PCDHGA2: variants seen among roughly 807,000 people sequenced by gnomAD.
PCDHGA2 encodes the protein protocadherin gamma-A2.
In PCDHGA2, 40 loss-of-function variants were observed where a neutral mutation model predicts 59.2. The observed-to-expected ratio is 0.68, with a 90% confidence interval of 0.52 to 0.88. The LOEUF is 0.88. Among genes scored for constraint, PCDHGA2 ranks in the 40% least tolerant of loss-of-function variants. PCDHGA2 has a pLI of 0.00. For synonymous variants in PCDHGA2, 560 were observed against 526.0 expected (o/e 1.06, Z -0.89); for missense variants, 1,226 against 1,204.0 (o/e 1.02, Z -0.27).
Position 141,338,967 on chromosome 5 carries a change from G to C in PCDHGA2, c.-5G>C. 6.5e-7 allele frequency: 1 copy of C among 1,526,840 alleles called. No individual in the cohort carries two copies. Among genetic ancestry groups the C allele is most frequent in the Non-Finnish European group, 8.8e-7 (1 of 1,137,012 alleles). The allele number at this position is 1,526,840 out of a possible 1,614,324, so 94.6% of individuals were successfully genotyped here. A position where few individuals can be genotyped will look rare whatever the true frequency, so the allele number is the denominator to read the frequency against. On this transcript the variant is annotated 5_prime_UTR_variant, in exon 1 of 4. Transcript: ENST00000394576. ...TGACTCGGAGAAAATTGCGACAGGA[G>C]GGAAATGGCGGCTCTGCAAAAGTTG...
intron 1 of PCDHGA2, chr5:141,404,403 A>C (rs767148207): frequency 6.2e-7 from 1 of 1,613,896 alleles, no homozygotes; most frequent in Admixed American, 1.7e-5. Context: ...AGCAATGAGA[A>C]TTCTAGAGTT....
intron 1 of PCDHGA2, chr5:141,374,981 G>A (rs761282613): frequency 6.2e-7 from 1 of 1,614,036 alleles, no homozygotes; most frequent in Non-Finnish European, 8.5e-7. Context: ...TTTGACTGGA[G>A]AAATTTCAAC....
chr5:141,419,137 C>G, intron 1 of PCDHGA2: 2 of 1,613,892 alleles, frequency 1.2e-6, no homozygotes, highest in Non-Finnish European at 1.7e-6. Context: ...CAGCCACAGA[C>G]AGGGGCAAGC....
In PCDHGA2 at chr5:141,340,827, T is replaced by A; in HGVS notation, c.1856T>A (p.Val619Glu). The A allele has an allele frequency of 6.2e-7, 1 of 1,613,750 alleles. No homozygotes were observed. Among genetic ancestry groups the A allele is most frequent in the Non-Finnish European group, 8.5e-7 (1 of 1,179,970 alleles). Residue 619 changes from valine (V) to glutamate (E), a missense_variant, in exon 1 of 4, where the codon GTG becomes GAG. By Grantham distance (121) the Val-to-Glu change is moderately radical (BLOSUM62 -2). Coordinates refer to ENST00000394576, the MANE Select transcript of PCDHGA2 (RefSeq NM_018915.4). ...LKASEPGLFS[V>E]GLHTGEVRTA... Reference sequence around the variant, plus strand: ...GCCAGCGAGCCGGGACTCTTCTCGGTGGGTCTGCACACGGGCGAGGTGCGC... The same window carrying A: ...GCCAGCGAGCCGGGACTCTTCTCGGAGGGTCTGCACACGGGCGAGGTGCGC...
chr5:141,352,265 C>A (rs760271009), intron 1 of PCDHGA2: 2 of 1,614,084 alleles, frequency 1.2e-6, no homozygotes, highest in South Asian at 2.2e-5. Flanking sequence ...AGAGGTATTG[C>A]CAGACCTCAG....
In PCDHGA2 at chr5:141,511,351, C is replaced by A. The variant is rs1190324197; in HGVS notation, c.*178C>A. 11 of 1,386,432 alleles carry A rather than the reference C, an allele frequency of 7.9e-6. No individual in the cohort carries two copies. Among genetic ancestry groups the A allele is most frequent in the South Asian group, 4.5e-5 (3 of 67,158 alleles). The allele number at this position is 1,386,432 out of a possible 1,614,324, so 85.9% of individuals were successfully genotyped here. On this transcript the variant is annotated 3_prime_UTR_variant, in exon 4 of 4. Transcript: ENST00000394576. ...CCAGTCAGCACCTACCCCTTCCCCC[C>A]CAGGGGGTTGAATATGCAAAAGCAG...
rs1379023118 is a variant in PCDHGA2, at chr5:141,487,609, G to A, written c.2425-7198G>A. ...GCCCACCCTCTGATCTTCTCTATGG[G>A]CTAGAGGTGAGACCTTTGCAGGCTC... On this transcript the variant is annotated intron_variant, in intron 1 of 3. Transcript: ENST00000394576. The surrounding 1 kb of genome is among the most constrained non-coding windows in gnomAD (Gnocchi z 5.0). 1 of 1,614,202 alleles carries A rather than the reference G, an allele frequency of 6.2e-7. No individual in the cohort carries two copies. The highest frequency in any genetic ancestry group is 1.1e-5 in the South Asian group (1 of 91,084).
intron 1 of PCDHGA2, among the ~76,000 whole-genome samples, chr5:141,430,253 T>G (rs2097270288): frequency 9.8e-6 from 1 of 102,050 alleles, no homozygotes; most frequent in Admixed American, 1.0e-4. Context: ...TAGGGAGACA[T>G]CTCCATAATA....
intron 1 of PCDHGA2, chr5:141,423,492 C>T (rs2154550191): frequency 1.2e-6 from 2 of 1,613,972 alleles, no homozygotes; most frequent in East Asian, 4.5e-5. Context: ...AAACCTATTC[C>T]CACGAGGTCT....
intron 1 of PCDHGA2, chr5:141,341,614 GT>G: frequency 1.1e-6 from 1 of 919,270 alleles, no homozygotes; most frequent in Non-Finnish European, 1.6e-6. Context: ...TAAACCAGGA[GT>G]TAATAGATAA....
intron 1 of PCDHGA2, chr5:141,375,655 G>T: frequency 6.2e-7 from 1 of 1,614,246 alleles, no homozygotes; most frequent in Non-Finnish European, 8.5e-7. Flanking sequence ...ACTATGAGCA[G>T]TTGAGAGACC....
At position 141,431,850 on chromosome 5, in the gene PCDHGA2, C is replaced by T; in HGVS notation, c.2425-62957C>T. On this transcript the variant is annotated intron_variant, in intron 1 of 3. Transcript: ENST00000394576. The surrounding 1 kb of genome is among the most constrained non-coding windows in gnomAD (Gnocchi z 4.8). ...GTTCCCGAAAACTCTCCCAGAGGGA[C>T]ATTAATTGCCCTTTTAAATGTAAAT... The T allele has an allele frequency of 1.9e-6, 3 of 1,614,234 alleles. No homozygotes were observed. The highest frequency in any genetic ancestry group is 2.2e-5 in the South Asian group (2 of 91,090).
rs762662380 is a variant in PCDHGA2, at chr5:141,419,561, G to A, written c.2425-75246G>A. 9 of 1,611,728 alleles carry A rather than the reference G, an allele frequency of 5.6e-6. No individual in the cohort carries two copies. The Admixed American group carries it at 1.2e-4, about 21-fold the overall frequency. The stretch of plus-strand genomic sequence containing the variant: ...ACCGCGGGTGCTGTACCCTGCGCTG[G>A]GTCCCGACGGCTCCGCGCTCTTCGA... On this transcript the variant is annotated intron_variant, in intron 1 of 3. Coordinates refer to ENST00000394576, the MANE Select transcript of PCDHGA2 (RefSeq NM_018915.4).
Position 141,491,340 on chromosome 5 carries a change from C to T in PCDHGA2, c.2425-3467C>T, listed in dbSNP as rs772328241. The T allele has an allele frequency of 3.7e-6, 6 of 1,614,144 alleles. No individual in the cohort carries two copies. The Admixed American group carries it at 6.7e-5, about 18-fold the overall frequency. ...TTTACCTCATTGTGGCTCTAGCGAC[C>T]GTCAGTCTCTTATCCCTAGTCACCT... On this transcript the variant is annotated intron_variant, in intron 1 of 3. Transcript: ENST00000394576. This position sits in a 1 kb window ranked among gnomAD's most constrained non-coding sequence, Gnocchi z 6.9.
intron 1 of PCDHGA2, chr5:141,372,525 A>G: frequency 6.2e-7 from 1 of 1,613,804 alleles, no homozygotes; most frequent in South Asian, 1.1e-5. Flanking sequence ...GATTCTGGCA[A>G]TCTCCCTGCG....
intron 1 of PCDHGA2, chr5:141,388,158 A>T (rs763395906): frequency 3.4e-5 from 50 of 1,469,960 alleles, no homozygotes; most frequent in Non-Finnish European, 4.7e-5. Flanking sequence ...CAGGCTAGAC[A>T]GGGAGGAGAT....
At chr5:141,356,989 G>A (rs1760420432) in intron 1 of PCDHGA2, 4 of 1,614,240 alleles carry the variant, frequency 2.5e-6, no homozygotes, top group Non-Finnish European at 3.4e-6. Context: ...AGTGGACAGA[G>A]ACTCAGGTCA....
chr5:141,455,550 G>C lies in PCDHGA2; in HGVS notation c.2425-39257G>C, dbSNP rs1195359804. On this transcript the variant is annotated intron_variant, in intron 1 of 3. Transcript: ENST00000394576. ...ACCAGGCATATCATTCACGTAGCCC[G>C]AGAAAAAGCTGGCCCTCCCACCCCA... 2.0e-5 allele frequency among the ~76,000 whole-genome samples: 3 copies of C among 152,138 alleles called. No individual in the cohort carries two copies. In the South Asian group the frequency reaches 6.2e-4, roughly 32 times the overall value.
At chr5:141,418,308 T>G in intron 1 of PCDHGA2, 6 of 1,613,946 alleles carry the variant, frequency 3.7e-6, no homozygotes, top group Non-Finnish European at 5.1e-6. Flanking sequence ...AGCCTGGGGA[T>G]GGGAACAATT....
Sources: gnomAD v4.1 joint callset for allele counts (sites outside exome capture counted in the v4.1 genomes callset) on GRCh38, gnomAD v4.1.1 for gene constraint, Gnocchi (gnomAD v3.1) non-coding constraint, MANE v1.5 for transcripts, NCBI Gene and HGNC (gene_info 2026-07-23, HGNC 2026-07-21) for gene names.